Variants in TM4SF20 observed in about 807,000 individuals in gnomAD.
The protein encoded by TM4SF20 is transmembrane 4 L six family member 20.
Under a neutral mutation model 15.1 loss-of-function variants are expected in TM4SF20, and 13 were observed. The observed-to-expected ratio is 0.86, with a 90% CI of 0.56 to 1.36. The LOEUF is 1.36. Among genes scored for constraint, TM4SF20 ranks in the 40% most tolerant of loss-of-function variants. The probability of loss-of-function intolerance (pLI) is 0.00; values close to 1 mark genes in which losing one functional copy is unlikely to be tolerated. For synonymous variants in TM4SF20, 92 were observed against 96.6 expected, an observed-to-expected ratio of 0.95 and a Z score of 0.28; for missense variants, 282 against 268.4, an observed-to-expected ratio of 1.05 and a Z score of -0.35.
At position 227,370,932 on chromosome 2, in the gene TM4SF20, A is replaced by G; in HGVS notation, c.232T>C (p.Cys78Arg). 1 of 1,614,032 alleles carries G rather than the reference A, an allele frequency of 6.2e-7. No individual in the cohort carries two copies. Among genetic ancestry groups the G allele is most frequent in the Non-Finnish European group, 8.5e-7 (1 of 1,179,940 alleles). The change falls in exon 2 of 4, where the codon TGC becomes CGC. Residue 78 changes from cysteine to arginine, a missense_variant. Coordinates refer to ENST00000304568, the MANE Select transcript of TM4SF20 (RefSeq NM_024795.4). ...MSLTARKRACCNNRTGMFLSS... is the reference protein window; with the variant it reads ...MSLTARKRACRNNRTGMFLSS... ...ATACTTACTCCAGTTCTGTTGTTGC[A>G]GCACGCTCTTTTTCTTGCTGTCAAG...
intron 2 of TM4SF20, among the ~76,000 whole-genome samples, chr2:227,370,018 A>G (rs2076412854): frequency 6.6e-6 from 1 of 152,204 alleles, no homozygotes; most frequent in South Asian, 2.1e-4. Context: ...TGAGAGAATT[A>G]AATGAAACAG....
chr2:227,365,964 T>C lies in TM4SF20; in HGVS notation c.401+129A>G, dbSNP rs2076390499. ...GCTAACTGGCGTTAATGTACTAAAA[T>C]TCCTAAGAATCCGTTTGTCCCGGCA... On this transcript the variant is annotated intron_variant, in intron 3 of 3. Coordinates refer to ENST00000304568, the MANE Select transcript of TM4SF20 (RefSeq NM_024795.4). 9.8e-6 allele frequency: 9 copies of C among 914,176 alleles called. 1 individual carries two copies. The highest frequency in any genetic ancestry group is 1.4e-5 in the Non-Finnish European group (9 of 627,900). 56.6% of individuals were successfully genotyped at this position (914,176 alleles called of 1,614,324 possible).
In TM4SF20 at chr2:227,363,682, A is replaced by G. The variant is rs760889904; in HGVS notation, c.*42T>C. The G allele has an allele frequency of 1.3e-6, 2 of 1,554,630 alleles. No homozygotes were observed. Among genetic ancestry groups the G allele is most frequent in the Admixed American group, 3.9e-5 (2 of 50,680 alleles). ...CTTTGAAAACAAGTGTACTTCTCAA[A>G]TTAATTCAAACTACTGATACTTACA... On this transcript the variant is annotated 3_prime_UTR_variant, in exon 4 of 4. Coordinates refer to ENST00000304568, the MANE Select transcript of TM4SF20 (RefSeq NM_024795.4).
At chr2:227,365,005 G>C (rs2076384973) in intron 3 of TM4SF20, among the ~76,000 whole-genome samples, 1 of 152,184 alleles carries the variant, frequency 6.6e-6, no homozygotes, top group Non-Finnish European at 1.5e-5. Flanking sequence ...CCGCCTCCTG[G>C]GTTCCAGCAA....
At position 227,362,734 on chromosome 2, in the gene TM4SF20, C is replaced by T. The variant is rs2106486019; in HGVS notation, c.*990G>A. The stretch of plus-strand genomic sequence containing the variant: ...CCCCAAGATGTCTCATTATTATAGG[C>T]AAAATTCCAAAATCCAAAAAAATGT... On this transcript the variant is annotated 3_prime_UTR_variant, in exon 4 of 4. Transcript: ENST00000304568. 2 of 152,194 alleles carry T rather than the reference C, an allele frequency of 1.3e-5. No individual in the cohort carries two copies. Among genetic ancestry groups the T allele is most frequent in the Middle Eastern group, 6.8e-3 (2 of 294 alleles). 9.4% of individuals were successfully genotyped at this position (152,194 alleles called of 1,614,324 possible). A position where few individuals can be genotyped will look rare whatever the true frequency, so the allele number is the denominator to read the frequency against.
intron 1 of TM4SF20, among the ~76,000 whole-genome samples, chr2:227,375,775 C>T (rs1218742984): frequency 1.3e-5 from 2 of 152,150 alleles, no homozygotes; most frequent in Non-Finnish European, 2.9e-5. Flanking sequence ...AGACATGAGC[C>T]ACCGTGCCTG....
intron 1 of TM4SF20, among the ~76,000 whole-genome samples, chr2:227,377,208 AG>A (rs1192795834): frequency 6.6e-6 from 1 of 152,196 alleles, no homozygotes; most frequent in Non-Finnish European, 1.5e-5. Flanking sequence ...GTCTTAACTC[AG>A]GAACTTCTAG....
intron 2 of TM4SF20, among the ~76,000 whole-genome samples, chr2:227,367,687 G>A (rs980030997): frequency 1.3e-5 from 2 of 152,262 alleles, no homozygotes; most frequent in East Asian, 1.9e-4. Flanking sequence ...TTTTATGAGT[G>A]CAGAATAAGG....
At chr2:227,370,436 T>C (rs540661865) in intron 2 of TM4SF20, among the ~76,000 whole-genome samples, 1 of 152,192 alleles carries the variant, frequency 6.6e-6, no homozygotes, top group Non-Finnish European at 1.5e-5. Flanking sequence ...CGTCTCACTT[T>C]TTCTACTTCT....
At chr2:227,365,839 C>T (rs2076390030) in intron 3 of TM4SF20, among the ~76,000 whole-genome samples, 1 of 152,056 alleles carries the variant, frequency 6.6e-6, no homozygotes, top group South Asian at 2.1e-4. Flanking sequence ...GAAAGACAAG[C>T]ATAAGCCATT....
At chr2:227,372,134 T>G (rs1390351645) in intron 1 of TM4SF20, among the ~76,000 whole-genome samples, 1 of 152,208 alleles carries the variant, frequency 6.6e-6, no homozygotes, top group African/African-American at 2.4e-5. Flanking sequence ...TTTTTCTCTC[T>G]CCTTCTACTC....
chr2:227,380,004 A>G (rs2076472082), upstream of TM4SF20, among the ~76,000 whole-genome samples: 1 of 152,212 alleles, frequency 6.6e-6, no homozygotes, highest in Non-Finnish European at 1.5e-5. Flanking sequence ...GCTCCTTGAG[A>G]AAAGACTATC....
At chr2:227,376,048 A>G (rs2076448832) in intron 1 of TM4SF20, among the ~76,000 whole-genome samples, 1 of 152,210 alleles carries the variant, frequency 6.6e-6, no homozygotes, top group African/African-American at 2.4e-5. Flanking sequence ...TTACTTAGTC[A>G]TAGTTTTAGA....
intron 1 of TM4SF20, among the ~76,000 whole-genome samples, chr2:227,376,440 G>A (rs1241109172): frequency 6.6e-6 from 1 of 152,190 alleles, no homozygotes; most frequent in African/African-American, 2.4e-5. Context: ...CCTGTAGTCT[G>A]AGCCCTTTTT....
chr2:227,367,521 AAAG>A (rs900879030), intron 2 of TM4SF20, among the ~76,000 whole-genome samples: 2 of 152,208 alleles, frequency 1.3e-5, no homozygotes, highest in African/African-American at 2.4e-5. Flanking sequence ...AAGAAAAAAA[AAAG>A]AAGGAAACTT....
At chr2:227,381,276 T>C (rs971702101), upstream of TM4SF20, among the ~76,000 whole-genome samples, 5 of 151,684 alleles carry the variant, frequency 3.3e-5, no homozygotes, top group East Asian at 9.7e-4. Context: ...GACGCCATCT[T>C]AAAACAAAAA....
In TM4SF20 at chr2:227,363,620, C is replaced by G. The variant is rs569575787; in HGVS notation, c.*104G>C. On this transcript the variant is annotated 3_prime_UTR_variant, in exon 4 of 4. Transcript: ENST00000304568. ...TTATGCATTTACAACGTGCTTTCTA[C>G]GTGAAGGGTTGATTTTTTAAATCAT... is the stretch of plus-strand genomic sequence containing the variant. 18 of 1,206,718 alleles carry G rather than the reference C, an allele frequency of 1.5e-5. No homozygotes were observed. The African/African-American group carries it at 2.6e-4, about 17-fold the overall frequency. The allele number at this position is 1,206,718 out of a possible 1,614,324, so 74.8% of individuals were successfully genotyped here. A position where few individuals can be genotyped will look rare whatever the true frequency, so the allele number is the denominator to read the frequency against.
chr2:227,377,172 G>A (rs1465232283), intron 1 of TM4SF20, among the ~76,000 whole-genome samples: 1 of 152,104 alleles, frequency 6.6e-6, no homozygotes, highest in African/African-American at 2.4e-5. Context: ...TATATCTAAA[G>A]CTGCATGTGT....
In TM4SF20 at chr2:227,363,424, A is replaced by ATCTG; in HGVS notation, c.*299_*300insCAGA. ...TTTTGAGACCCTGTCTCAAAAAAAA[A>ATCTG]AAAAAAAAGTCCTGTACTTTTATTT... On this transcript the variant is annotated 3_prime_UTR_variant, in exon 4 of 4. Transcript: ENST00000304568. 4.4e-6 allele frequency: 1 copy of ATCTG among 228,342 alleles called. No individual in the cohort carries two copies. The allele number at this position is 228,342 out of a possible 1,614,324, so 14.1% of individuals were successfully genotyped here. A position where few individuals can be genotyped will look rare whatever the true frequency, so the allele number is the denominator to read the frequency against.
Sources: gnomAD v4.1 joint callset for allele counts (sites outside exome capture counted in the v4.1 genomes callset) on GRCh38, gnomAD v4.1.1 for gene constraint, MANE v1.5 for transcripts, NCBI Gene and HGNC (gene_info 2026-07-23, HGNC 2026-07-21) for gene names.